The following TMLHE variants were observed in gnomAD, a reference collection of about 807,000 sequenced individuals.
TMLHE encodes trimethyllysine hydroxylase, epsilon, also known as trimethyllysine dioxygenase, mitochondrial.
TMLHE carries 18 observed loss-of-function variants against 25.7 expected under a neutral mutation model. That is an observed-to-expected ratio of 0.70 (90% CI 0.48 to 1.04). The LOEUF (loss-of-function observed/expected upper bound fraction) is 1.04, where lower values mean the gene tolerates loss of function less well. Ranked by LOEUF, TMLHE falls within the 50% of genes least tolerant of loss-of-function variation. The pLI is 0.00. For missense variants in TMLHE, 236 were observed against 259.0 expected (o/e 0.91, Z 0.61); for synonymous variants, 105 against 97.0 (o/e 1.08, Z -0.49).
chrX:155,549,884 T>C (rs1201309645), intron 1 of TMLHE, among the ~76,000 whole-genome samples: 11 of 108,858 alleles, frequency 1.0e-4, no homozygotes, highest in African/African-American at 3.4e-4. Flanking sequence ...TAGCCCCCAC[T>C]CCCCGAGAGG....
intron 1 of TMLHE, among the ~76,000 whole-genome samples, chrX:155,546,050 C>T (rs7051919): frequency 1.6e-3 from 181 of 110,358 alleles, no homozygotes; most frequent in African/African-American, 5.5e-3. Flanking sequence ...CTTTCTTCTC[C>T]GCTGGTTATG....
intron 1 of TMLHE, among the ~76,000 whole-genome samples, chrX:155,552,675 G>A (rs1197627929): frequency 4.6e-5 from 5 of 109,230 alleles, no homozygotes; most frequent in East Asian, 2.8e-4. Flanking sequence ...AGAAACTTTC[G>A]GTTTCAATAA....
At chrX:155,550,207 A>T (rs2067405718) in intron 1 of TMLHE, among the ~76,000 whole-genome samples, 1 of 110,916 alleles carries the variant, frequency 9.0e-6, no homozygotes, top group Admixed American at 9.6e-5. Context: ...TCTTTATCGT[A>T]GAATGATTTT....
intron 1 of TMLHE, among the ~76,000 whole-genome samples, chrX:155,549,389 G>C (rs1229638877): frequency 3.6e-5 from 4 of 110,058 alleles, no homozygotes; most frequent in Admixed American, 9.6e-5. Flanking sequence ...CCTTTTTCTG[G>C]TTGGGGAAGT....
Position 155,514,117 on chromosome X carries a change from G to T in TMLHE, c.507C>A (p.Ser169Arg). The stretch of plus-strand genomic sequence containing the variant: ...TCAGTCCCTCGTTGGTTTCTAAGAA[G>T]CTCTGGCAATCTACCGATGGAACTT... ...QAQVPSVDCQSFLETNEGLKK... is the reference protein window; with the variant it reads ...QAQVPSVDCQRFLETNEGLKK... The change falls in exon 4 of 8, where the codon AGC becomes AGA. Residue 169 changes from serine to arginine, a missense_variant. Around this residue, in one of 2 missense-constraint regions of TMLHE, gnomAD observed 217 missense variants for 214.6 expected, o/e 1.01. Coordinates refer to ENST00000334398, the MANE Select transcript of TMLHE (RefSeq NM_018196.4). 1 of 1,211,087 alleles carries T rather than the reference G, an allele frequency of 8.3e-7. No homozygotes were observed. The highest frequency in any genetic ancestry group is 1.1e-6 in the Non-Finnish European group (1 of 895,190).
intron 1 of TMLHE, among the ~76,000 whole-genome samples, chrX:155,579,018 G>C (rs2067608333): frequency 9.0e-6 from 1 of 111,659 alleles, no homozygotes; most frequent in African/African-American, 3.3e-5. Context: ...ATTTACAATA[G>C]CTACAAAAAA....
intron 1 of TMLHE, among the ~76,000 whole-genome samples, chrX:155,599,423 AAAAGT>A (rs1158602055): frequency 8.9e-6 from 1 of 112,200 alleles, no homozygotes; most frequent in East Asian, 2.8e-4. Context: ...ATCCAAGAAA[AAAAGT>A]AAAGACATGA....
At chrX:155,558,403 T>C (rs782751465) in intron 1 of TMLHE, among the ~76,000 whole-genome samples, 78 of 112,066 alleles carry the variant, frequency 7.0e-4, no homozygotes, top group Non-Finnish European at 1.1e-3. Flanking sequence ...CTTAATACAT[T>C]ATGTTGAAAT....
chrX:155,583,321 TA>T (rs1287932506), intron 1 of TMLHE, among the ~76,000 whole-genome samples: 32 of 107,608 alleles, frequency 3.0e-4, no homozygotes, highest in Non-Finnish European at 5.0e-4. Context: ...TAAAGTATAA[TA>T]AAAAAAAAGA....
At chrX:155,546,753 C>A (rs1169947358) in intron 1 of TMLHE, among the ~76,000 whole-genome samples, 5 of 111,578 alleles carry the variant, frequency 4.5e-5, no homozygotes, top group African/African-American at 1.6e-4. Context: ...CACAGAAACT[C>A]CTCTGCTGAT....
chrX:155,531,594 A>C (rs1376984328), intron 2 of TMLHE, among the ~76,000 whole-genome samples: 1 of 111,893 alleles, frequency 8.9e-6, no homozygotes, highest in Non-Finnish European at 1.9e-5. Flanking sequence ...TGGAGGAGAC[A>C]AACATCCAAA....
intron 1 of TMLHE, among the ~76,000 whole-genome samples, chrX:155,596,495 A>G (rs1019831627): frequency 1.8e-5 from 2 of 111,261 alleles, no homozygotes; most frequent in African/African-American, 6.5e-5. Flanking sequence ...AGTACTCTAT[A>G]GAAAGAATTG....
intron 2 of TMLHE, among the ~76,000 whole-genome samples, chrX:155,529,989 T>A (rs1456505455): frequency 8.9e-6 from 1 of 111,976 alleles, no homozygotes; most frequent in Non-Finnish European, 1.9e-5. Context: ...CAGGTCTTAT[T>A]CTTGTTTAAG....
At position 155,556,477 on chromosome X, in the gene TMLHE, C is replaced by T. The variant is rs782357515; in HGVS notation, c.-1-11200G>A. On this transcript the variant is annotated intron_variant, in intron 1 of 7. Transcript: ENST00000334398. ...GGAGACATCACACATTGGTAGGATCCGTGATGCCCCACAAGCCACAAAAAC... is the reference window on the plus strand; with the variant it reads ...GGAGACATCACACATTGGTAGGATCTGTGATGCCCCACAAGCCACAAAAAC... Among the ~76,000 whole-genome samples the T allele has an allele frequency of 6.4e-4, 71 of 110,089 alleles. 1 individual carries two copies. Among genetic ancestry groups the T allele is most frequent in the African/African-American group, 2.2e-3 (68 of 30,283 alleles).
chrX:155,504,981 G>A lies in TMLHE; in HGVS notation c.995+1917C>T, dbSNP rs138213873. On this transcript the variant is annotated intron_variant, in intron 6 of 7. Coordinates refer to ENST00000334398, the MANE Select transcript of TMLHE (RefSeq NM_018196.4). ...GTATATGCATTGGTCAAAACTCAGT[G>A]AGTGTATATTTAATATTTTAAACAT... Among the ~76,000 whole-genome samples the A allele has an allele frequency of 6.9e-3, 770 of 111,581 alleles. 6 individuals are homozygous for A. Among genetic ancestry groups the A allele is most frequent in the African/African-American group, 0.024 (731 of 30,830 alleles).
At chrX:155,544,514 C>G (rs2067331569) in intron 2 of TMLHE, among the ~76,000 whole-genome samples, 1 of 111,836 alleles carries the variant, frequency 8.9e-6, no homozygotes, top group African/African-American at 3.2e-5. Flanking sequence ...CCAAAGGGAG[C>G]ATGGCCTTAC....
Position 155,507,086 on chromosome X carries a change from T to C in TMLHE, c.807A>G (p.Thr269=). The C allele has an allele frequency of 1.7e-6, 2 of 1,210,109 alleles. No homozygotes were observed. The highest frequency in any genetic ancestry group is 2.2e-6 in the Non-Finnish European group (2 of 894,250). The change falls in exon 6 of 8, where the codon ACA becomes ACG. Residue 269 remains threonine, a synonymous_variant. Transcript: ENST00000334398. ...CTGCATAGAATCCATCTACTAGCAG[T>C]GTCCTGCCACCAGTTCCTTCATGTT... ...CLKHEGTGGR[T]LLVDGFYAAE... is the part of the protein sequence containing the mutation.
chrX:155,583,401 C>G (rs1463626201), intron 1 of TMLHE, among the ~76,000 whole-genome samples: 6 of 111,039 alleles, frequency 5.4e-5, no homozygotes, highest in African/African-American at 2.0e-4. Context: ...TATTCACTAT[C>G]ATGAGAACAG....
At chrX:155,535,941 A>G (rs1454483186) in intron 2 of TMLHE, among the ~76,000 whole-genome samples, 2 of 111,920 alleles carry the variant, frequency 1.8e-5, no homozygotes, top group Non-Finnish European at 3.8e-5. Flanking sequence ...ATATAGGCCA[A>G]TATGACATAT....
Sources: allele counts gnomAD v4.1 joint callset (sites outside exome capture counted in the v4.1 genomes callset), GRCh38; gene constraint gnomAD v4.1.1; regional missense constraint gnomAD v4.1.1; transcripts MANE v1.5; gene names NCBI Gene and HGNC (gene_info 2026-07-23, HGNC 2026-07-21).